The following MDGA2 variants were observed in gnomAD, a reference collection of about 807,000 sequenced individuals.
MDGA2 encodes MAM domain containing glycosylphosphatidylinositol anchor 2, also known as MAM domain-containing glycosylphosphatidylinositol anchor protein 2.
In MDGA2, 40 loss-of-function variants were observed where a neutral mutation model predicts 117.8. That is an observed-to-expected ratio of 0.34 (90% CI 0.26 to 0.44). The LOEUF (loss-of-function observed/expected upper bound fraction) is 0.44, where lower values mean the gene tolerates loss of function less well. MDGA2 is among the 20% of genes least tolerant of loss of function. MDGA2 has a pLI of 1.00. For synonymous variants in MDGA2, 452 were observed against 439.0 expected (o/e 1.03, Z -0.37); for missense variants, 1,123 against 1,250.6 (o/e 0.90, Z 1.54).
intron 1 of MDGA2, among the ~76,000 whole-genome samples, chr14:47,389,392 T>C (rs1159363597): frequency 6.6e-6 from 1 of 152,190 alleles, no homozygotes; most frequent in Non-Finnish European, 1.5e-5. Flanking sequence ...TGTAATAATA[T>C]ATTGTGCGTG....
At chr14:47,522,289 ATATATT>A (rs1297325665) in intron 1 of MDGA2, among the ~76,000 whole-genome samples, 4 of 151,990 alleles carry the variant, frequency 2.6e-5, no homozygotes, top group African/African-American at 9.7e-5. Context: ...AATATCTAGA[ATATATT>A]TATATGTGTG....
At chr14:47,321,228 C>A (rs1268501875) in intron 1 of MDGA2, among the ~76,000 whole-genome samples, 1 of 152,126 alleles carries the variant, frequency 6.6e-6, no homozygotes, top group African/African-American at 2.4e-5. Flanking sequence ...TATGCATTTG[C>A]TCTTGAGATT....
intron 1 of MDGA2, among the ~76,000 whole-genome samples, chr14:47,633,024 G>A (rs939934978): frequency 2.0e-5 from 3 of 152,100 alleles, no homozygotes; most frequent in Non-Finnish European, 4.4e-5. Flanking sequence ...ATGAGATAAT[G>A]CTTGTAAAGT....
At chr14:47,185,526 G>A (rs558484425) in intron 3 of MDGA2, among the ~76,000 whole-genome samples, 71 of 151,518 alleles carry the variant, frequency 4.7e-4, no homozygotes, top group African/African-American at 1.5e-3. Flanking sequence ...AAATTGACTC[G>A]AGAGGGAACA....
chr14:47,510,725 T>A (rs962567711), intron 1 of MDGA2, among the ~76,000 whole-genome samples: 1 of 152,224 alleles, frequency 6.6e-6, no homozygotes, highest in African/African-American at 2.4e-5. Context: ...TCCAAACTGC[T>A]TGTGGTTGTC....
At chr14:47,599,570 C>T (rs146772779) in intron 1 of MDGA2, among the ~76,000 whole-genome samples, 2 of 152,304 alleles carry the variant, frequency 1.3e-5, no homozygotes, top group African/African-American at 4.8e-5. Context: ...AAAAAAGTTA[C>T]TGACTTTGCC....
chr14:47,350,067 T>A (rs967222465), intron 1 of MDGA2, among the ~76,000 whole-genome samples: 1 of 152,218 alleles, frequency 6.6e-6, no homozygotes, highest in Admixed American at 6.5e-5. Context: ...TCCATTTAGA[T>A]CTCTGTATAT....
At position 47,049,960 on chromosome 14, in the gene MDGA2, T is replaced by A. The variant is rs188721995; in HGVS notation, c.1525+11289A>T. Among the ~76,000 whole-genome samples the A allele has an allele frequency of 1.0e-3, 152 of 152,136 alleles. 2 individuals carry two copies. Among genetic ancestry groups the A allele is most frequent in the African/African-American group, 3.5e-3 (144 of 41,540 alleles). On this transcript the variant is annotated intron_variant, in intron 7 of 16. Coordinates refer to ENST00000399232, the MANE Select transcript of MDGA2 (RefSeq NM_001113498.3). Reference sequence around the variant, plus strand: ...CCTGATCCTCAGCATCCTCTTGGGCTAAATTTCACCCAACAGGACTTGCCA... The same window carrying A: ...CCTGATCCTCAGCATCCTCTTGGGCAAAATTTCACCCAACAGGACTTGCCA...
chr14:47,106,349 T>C (rs143110319), intron 5 of MDGA2, among the ~76,000 whole-genome samples: 9,018 of 149,716 alleles, frequency 0.06, 744 homozygotes, highest in East Asian at 0.46. Flanking sequence ...CTTGCCTCCA[T>C]TGTGAGACAA....
intron 1 of MDGA2, among the ~76,000 whole-genome samples, chr14:47,312,225 G>C (rs914438772): frequency 2.0e-5 from 3 of 152,076 alleles, no homozygotes; most frequent in Admixed American, 2.0e-4. Flanking sequence ...AATTCGCTCT[G>C]TAAGTATGTA....
rs146869833 is a variant in MDGA2 at position 47,217,196 on chromosome 14, C to T, written c.595+825G>A. Among the ~76,000 whole-genome samples the T allele has an allele frequency of 4.1e-3, 627 of 152,132 alleles. 3 individuals carry two copies. The highest frequency in any genetic ancestry group is 6.8e-3 in the Middle Eastern group (2 of 294). ...AAAGAAAGGAAGATAGGCAGAAAAA[C>T]AACATCTCTCAGTTGTTGCTTATGT... On this transcript the variant is annotated intron_variant, in intron 3 of 16. Coordinates refer to ENST00000399232, the MANE Select transcript of MDGA2 (RefSeq NM_001113498.3).
chr14:47,595,560 A>AC (rs1160573318), intron 1 of MDGA2, among the ~76,000 whole-genome samples: 1 of 150,238 alleles, frequency 6.7e-6, no homozygotes, highest in Non-Finnish European at 1.5e-5. Flanking sequence ...AAAAAAACAA[A>AC]AAAAAAAAAA....
intron 7 of MDGA2, among the ~76,000 whole-genome samples, chr14:47,046,602 A>AAAAT (rs34663840): frequency 0.34 from 49,964 of 148,924 alleles, 8,779 homozygotes; most frequent in East Asian, 0.52. Flanking sequence ...AAGTATAATA[A>AAAAT]AAATAAATAA....
chr14:47,083,364 T>C (rs1029660899), intron 6 of MDGA2, among the ~76,000 whole-genome samples: 3 of 151,852 alleles, frequency 2.0e-5, no homozygotes, highest in African/African-American at 7.2e-5. Context: ...GAAAGCTATA[T>C]AAAAACATAC....
At chr14:46,969,773 G>C (rs574965043) in intron 8 of MDGA2, among the ~76,000 whole-genome samples, 2 of 151,598 alleles carry the variant, frequency 1.3e-5, no homozygotes, top group South Asian at 2.1e-4. Flanking sequence ...ATCACACACC[G>C]GGGCCCGTTG....
At chr14:47,659,754 A>G (rs562787661) in intron 1 of MDGA2, among the ~76,000 whole-genome samples, 4 of 152,342 alleles carry the variant, frequency 2.6e-5, no homozygotes, top group Non-Finnish European at 4.4e-5. Context: ...GGTGTACTAT[A>G]TTCTATAAGT....
chr14:47,245,529 T>C (rs890054024), intron 2 of MDGA2, among the ~76,000 whole-genome samples: 1 of 151,682 alleles, frequency 6.6e-6, no homozygotes, highest in Non-Finnish European at 1.5e-5. Flanking sequence ...ATTCATGATA[T>C]GGAGTTAGAA....
At chr14:47,294,103 C>CTTTTT (rs35698427) in intron 2 of MDGA2, among the ~76,000 whole-genome samples, 1 of 99,138 alleles carries the variant, frequency 1.0e-5, no homozygotes, top group Non-Finnish European at 1.9e-5. Flanking sequence ...ATATGGCAAT[C>CTTTTT]TTTTTTTTTT....
chr14:46,890,185 G>C lies in MDGA2; in HGVS notation c.2239-7964C>G, dbSNP rs147379183. Among the ~76,000 whole-genome samples, 898 of 151,878 alleles carry C rather than the reference G, an allele frequency of 5.9e-3. 5 individuals carry two copies. Among genetic ancestry groups the C allele is most frequent in the Non-Finnish European group, 9.7e-3 (657 of 67,902 alleles). Reference sequence around the variant, plus strand: ...TTGATTTAAATACTAGGTTTTCAAGGCTACTGTTTTTGCTTGGACTTTATA... The same window carrying C: ...TTGATTTAAATACTAGGTTTTCAAGCCTACTGTTTTTGCTTGGACTTTATA... On this transcript the variant is annotated intron_variant, in intron 10 of 16. Coordinates refer to ENST00000399232, the MANE Select transcript of MDGA2 (RefSeq NM_001113498.3).
Sources: allele counts gnomAD v4.1 joint callset (sites outside exome capture counted in the v4.1 genomes callset), GRCh38; gene constraint gnomAD v4.1.1; transcripts MANE v1.5; gene names NCBI Gene and HGNC (gene_info 2026-07-23, HGNC 2026-07-21).